PALM2AKAP2: variants seen among roughly 807,000 people sequenced by gnomAD.
PALM2AKAP2 encodes PALM2 and AKAP2 fusion.
PALM2AKAP2 carries 37 observed loss-of-function variants against 71.5 expected under a neutral mutation model. The observed-to-expected ratio is 0.52, with a 90% CI of 0.40 to 0.68. The LOEUF (loss-of-function observed/expected upper bound fraction) is 0.68, where lower values mean the gene tolerates loss of function less well. Ranked by LOEUF, PALM2AKAP2 falls within the 30% of genes least tolerant of loss-of-function variation. PALM2AKAP2 has a pLI of 0.00. For missense variants in PALM2AKAP2, 1,224 were observed against 1,191.8 expected (o/e 1.03, Z -0.40); for synonymous variants, 468 against 478.8 (o/e 0.98, Z 0.29).
At chr9:109,716,646 G>A (rs145450286) in intron 1 of PALM2AKAP2, among the ~76,000 whole-genome samples, 1 of 152,206 alleles carries the variant, frequency 6.6e-6, no homozygotes, top group South Asian at 2.1e-4. Flanking sequence ...GTCAGGGATA[G>A]GGGGAAGGAA....
chr9:109,982,774 G>C (rs1011509370), intron 6 of PALM2AKAP2, among the ~76,000 whole-genome samples: 6 of 152,164 alleles, frequency 3.9e-5, no homozygotes, highest in Non-Finnish European at 5.9e-5. Flanking sequence ...GTTGGTGTGT[G>C]CCACCACGTC....
intron 1 of PALM2AKAP2, among the ~76,000 whole-genome samples, chr9:109,805,125 G>C (rs879612642): frequency 2.6e-5 from 4 of 152,140 alleles, no homozygotes; most frequent in East Asian, 1.9e-4. Flanking sequence ...ACAGCTTAAG[G>C]GTTTTTGTTT....
At chr9:110,062,568 C>T (rs996127695) in intron 1 of PALM2AKAP2, among the ~76,000 whole-genome samples, 1 of 152,122 alleles carries the variant, frequency 6.6e-6, no homozygotes, top group African/African-American at 2.4e-5. Context: ...TTTTTAGACA[C>T]ACCCACCCTA....
Position 109,832,225 on chromosome 9 carries a change from G to A in PALM2AKAP2, c.46-35266G>A, listed in dbSNP as rs866307906. Among the ~76,000 whole-genome samples, 62 of 152,256 alleles carry A rather than the reference G, an allele frequency of 4.1e-4. 1 individual carries two copies. Among genetic ancestry groups the A allele is most frequent in the African/African-American group, 1.3e-3 (55 of 41,470 alleles). ...TGTACACACCAGAAGTGTTCCAGGCGTAAGGTTTTTGGCAAGTCTCGTTGC... is the reference window on the plus strand; with the variant it reads ...TGTACACACCAGAAGTGTTCCAGGCATAAGGTTTTTGGCAAGTCTCGTTGC... On this transcript the variant is annotated intron_variant, in intron 1 of 9. Coordinates refer to the PALM2AKAP2 transcript ENST00000302798.
intron 1 of PALM2AKAP2, among the ~76,000 whole-genome samples, chr9:109,717,814 T>C (rs1047370651): frequency 6.6e-6 from 1 of 152,212 alleles, no homozygotes; most frequent in Non-Finnish European, 1.5e-5. Context: ...TTGCATTTCA[T>C]GGAGTTTGCC....
chr9:110,064,214 G>C (rs1834024407), intron 1 of PALM2AKAP2, among the ~76,000 whole-genome samples: 1 of 152,170 alleles, frequency 6.6e-6, no homozygotes, highest in African/African-American at 2.4e-5. Context: ...CCTACCTAAG[G>C]AGGAGGAGGA....
chr9:110,125,943 C>G (rs536723386), intron 1 of PALM2AKAP2, among the ~76,000 whole-genome samples: 2 of 152,256 alleles, frequency 1.3e-5, no homozygotes, highest in African/African-American at 4.8e-5. Context: ...GTGCCCTTTT[C>G]CAGAACAAAA....
intron 1 of PALM2AKAP2, among the ~76,000 whole-genome samples, chr9:109,671,365 T>C (rs1827569355): frequency 6.6e-6 from 1 of 152,202 alleles, no homozygotes; most frequent in Non-Finnish European, 1.5e-5. Flanking sequence ...TAGAGATTTC[T>C]TTCCTTATTG....
chr9:110,048,974 G>A, intron 1 of PALM2AKAP2: 5 of 1,331,742 alleles, frequency 3.8e-6, no homozygotes, highest in Admixed American at 3.1e-5. Flanking sequence ...GAAGCACCGC[G>A]GGCTTTTAAA....
At chr9:110,115,160 T>C (rs1835336558) in intron 1 of PALM2AKAP2, among the ~76,000 whole-genome samples, 1 of 152,146 alleles carries the variant, frequency 6.6e-6, no homozygotes, top group Non-Finnish European at 1.5e-5. Flanking sequence ...TCTGGCTGCC[T>C]AAACTTTTCC....
chr9:110,006,720 A>G (rs1281211622), intron 6 of PALM2AKAP2, among the ~76,000 whole-genome samples: 1 of 152,136 alleles, frequency 6.6e-6, no homozygotes, highest in African/African-American at 2.4e-5. Flanking sequence ...ATATAAATTT[A>G]TATAACATAA....
At chr9:109,724,156 A>T (rs1464450317) in intron 1 of PALM2AKAP2, among the ~76,000 whole-genome samples, 2 of 152,234 alleles carry the variant, frequency 1.3e-5, no homozygotes, top group Non-Finnish European at 2.9e-5. Flanking sequence ...AGCAATAAAA[A>T]TTTAAAACAC....
At chr9:109,687,909 C>A (rs546013663) in intron 1 of PALM2AKAP2, among the ~76,000 whole-genome samples, 1 of 152,250 alleles carries the variant, frequency 6.6e-6, no homozygotes, top group Non-Finnish European at 1.5e-5. Context: ...TATTAGTTGG[C>A]CTGTTTTCAA....
At chr9:110,166,963 G>A (rs915169216) in intron 3 of PALM2AKAP2, among the ~76,000 whole-genome samples, 2 of 152,192 alleles carry the variant, frequency 1.3e-5, no homozygotes, top group Non-Finnish European at 2.9e-5. Flanking sequence ...TGGACTCACA[G>A]TTCCACATGG....
chr9:109,981,118 G>A (rs571605041), intron 6 of PALM2AKAP2, among the ~76,000 whole-genome samples: 22 of 152,298 alleles, frequency 1.4e-4, no homozygotes, highest in African/African-American at 5.1e-4. Flanking sequence ...TATTCCTAAT[G>A]AGGAAATGGA....
intron 1 of PALM2AKAP2, among the ~76,000 whole-genome samples, chr9:109,763,166 C>A (rs1225454302): frequency 6.6e-6 from 1 of 152,006 alleles, no homozygotes; most frequent in African/African-American, 2.4e-5. Context: ...TCCCGGGGGT[C>A]ACTGTGGCAT....
intron 1 of PALM2AKAP2, among the ~76,000 whole-genome samples, chr9:109,797,675 G>C (rs1452919321): frequency 6.6e-6 from 1 of 152,214 alleles, no homozygotes; most frequent in African/African-American, 2.4e-5. Context: ...GCCAGGGCAG[G>C]GGCATGTGTG....
chr9:109,762,808 C>CA (rs1356131491), intron 1 of PALM2AKAP2, among the ~76,000 whole-genome samples: 4 of 152,240 alleles, frequency 2.6e-5, no homozygotes, highest in Admixed American at 6.5e-5. Flanking sequence ...CCTTGGCAGA[C>CA]ATGGCTTTCC....
intron 1 of PALM2AKAP2, among the ~76,000 whole-genome samples, chr9:110,066,150 T>TA (rs1230976244): frequency 1.3e-5 from 2 of 152,148 alleles, no homozygotes; most frequent in African/African-American, 4.8e-5. Context: ...AGACAACACT[T>TA]TAAGATGTAT....
Sources: gnomAD v4.1 joint callset for allele counts (sites outside exome capture counted in the v4.1 genomes callset) on GRCh38, gnomAD v4.1.1 for gene constraint, MANE v1.5 for transcripts, NCBI Gene and HGNC (gene_info 2026-07-23, HGNC 2026-07-21) for gene names.